Variants in EPC1 observed in about 807,000 individuals in gnomAD.
EPC1 encodes enhancer of polycomb 1, also known as enhancer of polycomb homolog 1.
EPC1 carries 12 observed loss-of-function variants against 98.4 expected under a neutral mutation model. That is an observed-to-expected ratio of 0.12 (90% CI 0.08 to 0.20). EPC1 has a LOEUF of 0.20. Ranked by LOEUF, EPC1 falls within the 10% of genes least tolerant of loss-of-function variation. EPC1 has a pLI of 1.00. For synonymous variants in EPC1, 357 were observed against 363.9 expected (o/e 0.98, Z 0.21); for missense variants, 729 against 990.5 (o/e 0.74, Z 3.54).
chr10:32,347,206 G>C, upstream of EPC1: 5 of 1,231,316 alleles, frequency 4.1e-6, no homozygotes, highest in Non-Finnish European at 5.1e-6. Flanking sequence ...ATCGCGCAGC[G>C]GCGCGGGCAC....
chr10:32,281,472 A>C (rs1165308388), intron 10 of EPC1, among the ~76,000 whole-genome samples: 1 of 152,200 alleles, frequency 6.6e-6, no homozygotes, highest in African/African-American at 2.4e-5. Context: ...CTGTATGAAA[A>C]TTAAAAATTA....
At chr10:32,303,193 C>A (rs1037849654) in intron 2 of EPC1, among the ~76,000 whole-genome samples, 4 of 152,090 alleles carry the variant, frequency 2.6e-5, no homozygotes, top group African/African-American at 9.7e-5. Context: ...ATCCCAACTA[C>A]TCGGGAGGCT....
chr10:32,340,456 G>A (rs1472030527), intron 1 of EPC1, among the ~76,000 whole-genome samples: 1 of 152,098 alleles, frequency 6.6e-6, no homozygotes, highest in Non-Finnish European at 1.5e-5. Context: ...TATTATTACA[G>A]GATTTAATAC....
At chr10:32,271,389 G>T (rs754567127) in intron 13 of EPC1, among the ~76,000 whole-genome samples, 165 bp downstream of exon 13, 18 of 152,118 alleles carry the variant, frequency 1.2e-4, no homozygotes, top group South Asian at 2.1e-4. Flanking sequence ...AAGTGTTCAA[G>T]AACTGTTTAG....
chr10:32,341,052 TTC>T (rs1290959976), intron 1 of EPC1, among the ~76,000 whole-genome samples: 20 of 152,334 alleles, frequency 1.3e-4, no homozygotes, highest in Non-Finnish European at 2.1e-4. Context: ...ACACGCTCAA[TTC>T]TTTTTATTCC....
chr10:32,337,242 C>T (rs1200742493), intron 1 of EPC1, among the ~76,000 whole-genome samples: 3 of 152,190 alleles, frequency 2.0e-5, no homozygotes, highest in Admixed American at 6.5e-5. Flanking sequence ...GACAATAACC[C>T]TTCTGAGGGT....
At chr10:32,364,745 A>T (rs1270974828) in intron 1 of EPC1, among the ~76,000 whole-genome samples, 3 of 152,218 alleles carry the variant, frequency 2.0e-5, no homozygotes. Context: ...TTTCTAAAGA[A>T]ACTATGCCTT....
chr10:32,316,419 A>G (rs1290265975), intron 1 of EPC1, among the ~76,000 whole-genome samples: 1 of 152,220 alleles, frequency 6.6e-6, no homozygotes, highest in Non-Finnish European at 1.5e-5. Context: ...GAAGCCACTC[A>G]AATGTCCACC....
At chr10:32,322,400 A>G (rs1836982339) in intron 1 of EPC1, among the ~76,000 whole-genome samples, 1 of 152,200 alleles carries the variant, frequency 6.6e-6, no homozygotes, top group African/African-American at 2.4e-5. Flanking sequence ...CTTTATTATT[A>G]CTATAAAAGC....
At position 32,364,829 on chromosome 10, in the gene EPC1, C is replaced by T. The variant is rs536627659; in HGVS notation, c.3+13662G>A. Among the ~76,000 whole-genome samples the T allele has an allele frequency of 2.0e-5, 3 of 152,210 alleles. No homozygotes were observed. The South Asian group carries it at 6.2e-4, about 32-fold the overall frequency. On this transcript the variant is annotated intron_variant, in intron 1 of 13. Coordinates refer to the EPC1 transcript ENST00000375110. ...TCCAACCTGTGGCCTGTGGGACACA[C>T]GCAGCCCAGGACAGCTTTGAATGCA... is the stretch of plus-strand genomic sequence containing the variant.
intron 1 of EPC1, among the ~76,000 whole-genome samples, chr10:32,357,313 G>A (rs150966903): frequency 9.8e-5 from 15 of 152,320 alleles, no homozygotes; most frequent in Middle Eastern, 3.4e-3. Context: ...TCCCAAACAC[G>A]AGACGCATAA....
At chr10:32,292,290 TTTAAC>T in intron 5 of EPC1, 1 of 347,566 alleles carries the variant, frequency 2.9e-6, no homozygotes. Flanking sequence ...CTTGGTATGT[TTTAAC>T]TTAAGTGAAT....
At chr10:32,333,444 T>TCTGCTATATA (rs1268664084) in intron 1 of EPC1, among the ~76,000 whole-genome samples, 1 of 152,260 alleles carries the variant, frequency 6.6e-6, no homozygotes, top group African/African-American at 2.4e-5. Context: ...CCTTGCTGTT[T>TCTGCTATATA]CTGCTATATA....
chr10:32,341,448 T>C (rs1485609634), intron 1 of EPC1, among the ~76,000 whole-genome samples: 1 of 152,214 alleles, frequency 6.6e-6, no homozygotes, highest in Non-Finnish European at 1.5e-5. Flanking sequence ...GGTTGGTATA[T>C]TTAATCCTGC....
rs918812914 is a variant in EPC1, at chr10:32,272,129, C to G, written c.1902G>C (p.Gln634His). 2.2e-5 allele frequency: 36 copies of G among 1,613,574 alleles called. No individual in the cohort carries two copies. The highest frequency in any genetic ancestry group is 2.9e-5 in the Non-Finnish European group (34 of 1,179,874). Residue 634 changes from glutamine (Q) to histidine (H), a missense_variant, in exon 12 of 14, where the codon CAG becomes CAC. Coordinates refer to ENST00000319778, the MANE Select transcript of EPC1 (RefSeq NM_001272004.3). ...ATGTCACCAAAGCAGAAGCAGCAAA[C>G]TGTGCACTAGCAGAATCCAAAGTCT... Reference protein sequence around the residue: ...VSKTLDSASAQFAASALVTSE... With the variant: ...VSKTLDSASAHFAASALVTSE...
intron 1 of EPC1, among the ~76,000 whole-genome samples, chr10:32,356,722 C>A (rs1033104613): frequency 5.9e-5 from 9 of 152,292 alleles, no homozygotes; most frequent in African/African-American, 2.2e-4. Flanking sequence ...CGGTGGCTCA[C>A]GCCTGTAATC....
intron 1 of EPC1, among the ~76,000 whole-genome samples, chr10:32,367,308 A>T (rs1839629696): frequency 6.6e-6 from 1 of 152,220 alleles, no homozygotes. Context: ...ATTCTTATTA[A>T]TGTAAAGACT....
In EPC1 at chr10:32,286,857, T is replaced by A. The variant is rs1836712163; in HGVS notation, c.1243-15A>T. The stretch of plus-strand genomic sequence containing the variant: ...TCTAAGTGAGGCTTAAAAAAAAAAA[T>A]CCAAATTATTTAATTTTGTCAGTTA... On this transcript the variant is annotated splice_polypyrimidine_tract_variant and intron_variant, in intron 8 of 13. Transcript: ENST00000319778. 6.2e-7 allele frequency: 1 copy of A among 1,605,632 alleles called. No individual in the cohort carries two copies. Among genetic ancestry groups the A allele is most frequent in the African/African-American group, 1.4e-5 (1 of 74,064 alleles).
chr10:32,334,158 T>G (rs941991531), intron 1 of EPC1, among the ~76,000 whole-genome samples: 1 of 152,240 alleles, frequency 6.6e-6, no homozygotes, highest in African/African-American at 2.4e-5. Context: ...GATTTCAGAA[T>G]TGTTACAGAC....
Sources: gnomAD v4.1 joint callset for allele counts (sites outside exome capture counted in the v4.1 genomes callset) on GRCh38, gnomAD v4.1.1 for gene constraint, MANE v1.5 for transcripts, NCBI Gene and HGNC (gene_info 2026-07-23, HGNC 2026-07-21) for gene names.